ZER1: variants seen among roughly 807,000 people sequenced by gnomAD.
ZER1 encodes zyg-11 related cell cycle regulator, also known as protein zer-1 homolog.
ZER1 carries 11 observed loss-of-function variants against 78.8 expected under a neutral mutation model. The observed-to-expected ratio is 0.14, with a 90% CI of 0.09 to 0.23. ZER1 has a LOEUF of 0.23. ZER1 is among the 10% of genes least tolerant of loss of function. ZER1 has a pLI of 1.00. For missense variants in ZER1, 588 were observed against 996.9 expected (o/e 0.59, Z 5.52); for synonymous variants, 400 against 407.0 (o/e 0.98, Z 0.21).
At position 128,734,179 on chromosome 9, in the gene ZER1, T is replaced by A. The variant is rs866967845; in HGVS notation, c.2141-651A>T. Among the ~76,000 whole-genome samples, 629 of 81,982 alleles carry A rather than the reference T, an allele frequency of 7.7e-3. 34 individuals carry two copies. Among genetic ancestry groups the A allele is most frequent in the Admixed American group, 0.015 (82 of 5,300 alleles). 53.8% of individuals were successfully genotyped at this position (81,982 alleles called of 152,430 possible). ...TATATATATAAAATCTTAAAAAAAA[T>A]ATATATATATATATAATAGATATAA... On this transcript the variant is annotated intron_variant, in intron 14 of 15. Transcript: ENST00000291900.
intron 1 of ZER1, among the ~76,000 whole-genome samples, chr9:128,770,971 A>C (rs1030905164): frequency 6.6e-6 from 1 of 152,178 alleles, no homozygotes; most frequent in Non-Finnish European, 1.5e-5. Flanking sequence ...GGAGTTCGAG[A>C]CCAGCTTGGG....
At chr9:128,764,109 G>A (rs1247584488) in intron 1 of ZER1, among the ~76,000 whole-genome samples, 2 of 152,278 alleles carry the variant, frequency 1.3e-5, no homozygotes, top group Middle Eastern at 3.4e-3. Flanking sequence ...AAGCTGCAAG[G>A]AGAGGGGGTG....
intron 1 of ZER1, among the ~76,000 whole-genome samples, chr9:128,764,188 A>G (rs930010683): frequency 6.6e-6 from 1 of 152,014 alleles, no homozygotes; most frequent in Non-Finnish European, 1.5e-5. Flanking sequence ...AGCACTGAAC[A>G]CTCAATGTGG....
chr9:128,760,186 G>A (rs1863998008), intron 1 of ZER1, among the ~76,000 whole-genome samples: 1 of 151,982 alleles, frequency 6.6e-6, no homozygotes, highest in African/African-American at 2.4e-5. Flanking sequence ...GGTCTCTCAT[G>A]TATGTTATAC....
chr9:128,766,503 A>G (rs1864213295), intron 1 of ZER1, among the ~76,000 whole-genome samples: 1 of 152,190 alleles, frequency 6.6e-6, no homozygotes, highest in African/African-American at 2.4e-5. Context: ...GCCAGAGACT[A>G]TGGATCTGAA....
At position 128,730,807 on chromosome 9, in the gene ZER1, G is replaced by A. The variant is rs555716830; in HGVS notation, c.*530C>T. ...GCCGGGAGCACCAAGGCTTTTGGGAGACCCAGTGGGGTAAGTTCTAATCCC... is the reference window on the plus strand; with the variant it reads ...GCCGGGAGCACCAAGGCTTTTGGGAAACCCAGTGGGGTAAGTTCTAATCCC... On this transcript the variant is annotated 3_prime_UTR_variant, in exon 16 of 16. Coordinates refer to ENST00000291900, the MANE Select transcript of ZER1 (RefSeq NM_006336.4). 3.9e-5 allele frequency: 6 copies of A among 152,908 alleles called. No individual in the cohort carries two copies. The South Asian group carries it at 1.2e-3, about 32-fold the overall frequency. The allele number at this position is 152,908 out of a possible 1,614,324, so 9.5% of individuals were successfully genotyped here. A position where few individuals can be genotyped will look rare whatever the true frequency, so the allele number is the denominator to read the frequency against.
chr9:128,737,456 A>G (rs1041501347), intron 13 of ZER1, among the ~76,000 whole-genome samples: 37 of 152,182 alleles, frequency 2.4e-4, no homozygotes, highest in African/African-American at 8.9e-4. Context: ...TGTTCCTCCC[A>G]GTATGGGTTT....
intron 13 of ZER1, among the ~76,000 whole-genome samples, chr9:128,739,501 CAAAA>C (rs563196410): frequency 2.6e-5 from 2 of 77,826 alleles, no homozygotes; most frequent in Non-Finnish European, 2.7e-5. Flanking sequence ...GACTCTGTCT[CAAAA>C]AAAAAAAAAA....
intron 1 of ZER1, among the ~76,000 whole-genome samples, chr9:128,759,665 C>T (rs368065955): frequency 1.3e-5 from 2 of 150,800 alleles, no homozygotes; most frequent in Non-Finnish European, 3.0e-5. Context: ...CGTGGTGGCA[C>T]GCACCTGTAG....
intron 8 of ZER1, among the ~76,000 whole-genome samples, chr9:128,749,742 G>GA (rs970653195): frequency 4.7e-5 from 7 of 148,222 alleles, no homozygotes; most frequent in African/African-American, 1.2e-4. Context: ...GACTCCATCT[G>GA]AAAAAAAAAT....
At position 128,731,161 on chromosome 9, in the gene ZER1, T is replaced by C. The variant is rs1862802266; in HGVS notation, c.*176A>G. On this transcript the variant is annotated 3_prime_UTR_variant, in exon 16 of 16. Transcript: ENST00000291900. ...CCTAACCAAAAAAAAAATATATATA[T>C]ATAATATATATATATCTCACTAACA... The C allele has an allele frequency of 8.2e-6, 2 of 244,344 alleles. No homozygotes were observed. The highest frequency in any genetic ancestry group is 1.6e-4 in the East Asian group (2 of 12,448). 15.1% of individuals were successfully genotyped at this position (244,344 alleles called of 1,614,324 possible).
rs779891796 is a variant in ZER1, at chr9:128,733,465, T to C, written c.2204A>G (p.Lys735Arg). The C allele has an allele frequency of 1.2e-6, 2 of 1,613,988 alleles. No homozygotes were observed. Among genetic ancestry groups the C allele is most frequent in the Non-Finnish European group, 1.7e-6 (2 of 1,179,956 alleles). ...GGTCTCCTGCCGTGCGGTCGCCATC[T>C]TAATTATGTCCCTCAGAAGGGGCAT... ...GGMPLLRDII[K>R]MATARQETKE... The change falls in exon 15 of 16, where the codon AAG (lysine) becomes AGG (arginine). Residue 735 changes from lysine (K) to arginine (R), a missense_variant. By Grantham distance (26) the Lys-to-Arg change is conservative. This residue lies in a region of ZER1 where 122 missense variants were observed against 173.5 expected (regional missense o/e 0.70). Transcript: ENST00000291900.
Position 128,755,318 on chromosome 9 carries a change from T to C in ZER1, c.158+90A>G. The stretch of plus-strand genomic sequence containing the variant: ...ACCCTCACACATTCATCTCCATAGC[T>C]ACTCCCCACATAGTGCACACACGGT... On this transcript the variant is annotated intron_variant, in intron 2 of 15. Transcript: ENST00000291900. The surrounding 1 kb of genome is among the most constrained non-coding windows in gnomAD (Gnocchi z 5.6). 1 of 1,543,928 alleles carries C rather than the reference T, an allele frequency of 6.5e-7. No individual in the cohort carries two copies. The highest frequency in any genetic ancestry group is 1.7e-5 in the Admixed American group (1 of 57,920).
intron 1 of ZER1, among the ~76,000 whole-genome samples, chr9:128,763,357 A>C (rs1349782049): frequency 6.6e-6 from 1 of 152,190 alleles, no homozygotes; most frequent in African/African-American, 2.4e-5. Context: ...TACCACAGCA[A>C]TGAACACTTG....
rs1176396202 is a variant in ZER1, at chr9:128,750,726, C to T, written c.1249G>A (p.Ala417Thr). The T allele has an allele frequency of 8.7e-6, 14 of 1,614,182 alleles. No homozygotes were observed. Among genetic ancestry groups the T allele is most frequent in the African/African-American group, 2.7e-5 (2 of 75,056 alleles). Reference protein sequence around the residue: ...DRNIQVTGSAALFYLTNSEYR... With the variant: ...DRNIQVTGSATLFYLTNSEYR... The stretch of plus-strand genomic sequence containing the variant: ...TCGGAATTTGTTAGGTAGAAGAGAG[C>T]GGCGCTGCCTGTCACTTGAATGTTC... The change falls in exon 8 of 16, where the codon GCT (alanine) becomes ACT (threonine). Residue 417 changes from alanine to threonine, a missense_variant. Physicochemically the swap from Ala to Thr is moderately conservative, Grantham distance 58. Transcript: ENST00000291900.
chr9:128,766,810 C>A (rs1864222893), intron 1 of ZER1, among the ~76,000 whole-genome samples: 1 of 131,982 alleles, frequency 7.6e-6, no homozygotes, highest in African/African-American at 2.9e-5. Flanking sequence ...TGCACCACTG[C>A]ACTCCTGCCT....
At chr9:128,770,995 C>A (rs1427896131) in intron 1 of ZER1, among the ~76,000 whole-genome samples, 1 of 152,154 alleles carries the variant, frequency 6.6e-6, no homozygotes, top group Non-Finnish European at 1.5e-5. Flanking sequence ...CATAGTGAGA[C>A]CCCATCTCTA....
rs1863821213 is a variant in ZER1, at chr9:128,755,322, C to T, written c.158+86G>A. On this transcript the variant is annotated intron_variant, in intron 2 of 15. Transcript: ENST00000291900. This position sits in a 1 kb window ranked among gnomAD's most constrained non-coding sequence, Gnocchi z 5.6. ...TCACACATTCATCTCCATAGCTACT[C>T]CCCACATAGTGCACACACGGTCCCA... is the stretch of plus-strand genomic sequence containing the variant. The T allele has an allele frequency of 1.9e-6, 3 of 1,557,022 alleles. No individual in the cohort carries two copies. The highest frequency in any genetic ancestry group is 1.7e-5 in the Admixed American group (1 of 58,494).
At chr9:128,735,563 G>A (rs1863038254) in intron 13 of ZER1, 132 bp from the exon 14 acceptor site, 16 of 848,512 alleles carry the variant, frequency 1.9e-5, no homozygotes, top group South Asian at 7.0e-5. Context: ...CAGGGAGAAG[G>A]GACAGCTGGC....
Sources: gnomAD v4.1 joint callset for allele counts (sites outside exome capture counted in the v4.1 genomes callset) on GRCh38, gnomAD v4.1.1 for gene constraint, gnomAD v4.1.1 regional missense constraint, Gnocchi (gnomAD v3.1) non-coding constraint, MANE v1.5 for transcripts, NCBI Gene and HGNC (gene_info 2026-07-23, HGNC 2026-07-21) for gene names.